Variants in GON4L observed in about 807,000 individuals in gnomAD.
GON4L encodes the protein gon-4 like.
In GON4L, 87 loss-of-function variants were observed where a neutral mutation model predicts 211.8. The ratio of observed to expected loss-of-function variants is 0.41; its 90% CI spans 0.35 to 0.49. The LOEUF is 0.49. Among genes scored for constraint, GON4L ranks in the 20% least tolerant of loss-of-function variants. GON4L has a pLI of 0.15. For synonymous variants in GON4L, 875 were observed against 962.6 expected (o/e 0.91, Z 1.68); for missense variants, 2,155 against 2,659.5 (o/e 0.81, Z 4.17).
chr1:155,779,403 G>A (rs951276989), intron 14 of GON4L, among the ~76,000 whole-genome samples: 6 of 150,730 alleles, frequency 4.0e-5, no homozygotes, highest in South Asian at 2.1e-4. Flanking sequence ...TGCAACCTCC[G>A]CCTCCCAGGT....
chr1:155,847,791 T>C (rs1671390512), intron 2 of GON4L, among the ~76,000 whole-genome samples: 1 of 152,138 alleles, frequency 6.6e-6, no homozygotes, highest in Non-Finnish European at 1.5e-5. Context: ...GGAGAATCCC[T>C]TGAACCCAGG....
intron 2 of GON4L, among the ~76,000 whole-genome samples, chr1:155,848,885 C>T (rs997209936): frequency 6.6e-6 from 1 of 152,198 alleles, no homozygotes; most frequent in Non-Finnish European, 1.5e-5. Context: ...CGGTGGCTCA[C>T]GCCTGTAATC....
At chr1:155,842,400 T>C (rs1162622121) in intron 2 of GON4L, among the ~76,000 whole-genome samples, 2 of 151,584 alleles carry the variant, frequency 1.3e-5, no homozygotes, top group Non-Finnish European at 2.9e-5. Context: ...GGCAGGCACC[T>C]GTAGTCCCAG....
intron 8 of GON4L, 106 bp downstream of exon 8, chr1:155,815,699 C>G (rs1668175701): frequency 1.4e-6 from 1 of 737,418 alleles, no homozygotes; most frequent in Non-Finnish European, 2.5e-6. Context: ...CAGAAATGAG[C>G]TGAAAAAAGA....
rs755007254 is a variant in GON4L, at chr1:155,855,979, CAAAAAAAAAAAAA to C, written c.-27+1155_-27+1167del. Among the ~76,000 whole-genome samples the C allele has an allele frequency of 1.4e-3, 33 of 23,706 alleles. 1 individual carries two copies. Among genetic ancestry groups the C allele is most frequent in the East Asian group, 4.4e-3 (2 of 456 alleles). The allele number at this position is 23,706 out of a possible 152,430, so 15.6% of individuals were successfully genotyped here. On this transcript the variant is annotated intron_variant, in intron 1 of 31. Transcript: ENST00000368331. ...CCTGGGCAACAGAGGGAGACTCTGT[CAAAAAAAAAAAAA>C]AAAAAAAAAAAAAAAGGCATCTTAT...
intron 10 of GON4L, among the ~76,000 whole-genome samples, chr1:155,812,080 G>A (rs1667846706): frequency 1.3e-5 from 2 of 151,954 alleles, no homozygotes; most frequent in South Asian, 4.2e-4. Flanking sequence ...AAGGAATTCG[G>A]CTTTGAAGTA....
rs557569444 is a variant in GON4L, at chr1:155,760,404, C to T, written c.5109+40G>A. 16 of 1,281,420 alleles carry T rather than the reference C, an allele frequency of 1.2e-5. No homozygotes were observed. The Admixed American group carries it at 1.6e-4, about 13-fold the overall frequency. The allele number at this position is 1,281,420 out of a possible 1,614,324, so 79.4% of individuals were successfully genotyped here. A position where few individuals can be genotyped will look rare whatever the true frequency, so the allele number is the denominator to read the frequency against. On this transcript the variant is annotated intron_variant, in intron 24 of 31. Transcript: ENST00000368331. The stretch of plus-strand genomic sequence containing the variant: ...CCATTCAATCCCAGTCTCACTCTGA[C>T]CCAGGAGTCCCAGTGTACTTTTTTT...
At chr1:155,811,597 A>C (rs1451386559) in intron 10 of GON4L, among the ~76,000 whole-genome samples, 1 of 150,116 alleles carries the variant, frequency 6.7e-6, no homozygotes, top group Non-Finnish European at 1.5e-5. Flanking sequence ...CTCTACTAAA[A>C]ATACAAAAAA....
chr1:155,834,073 C>T (rs1002745889), intron 2 of GON4L, among the ~76,000 whole-genome samples: 1 of 152,118 alleles, frequency 6.6e-6, no homozygotes, highest in African/African-American at 2.4e-5. Flanking sequence ...ATCCTCACAC[C>T]TTGGCCTTCC....
rs892180288 is a variant in GON4L at position 155,752,301 on chromosome 1, G to A, written c.6132C>T (p.Thr2044=). 5.7e-6 allele frequency: 9 copies of A among 1,584,058 alleles called. No homozygotes were observed. Among genetic ancestry groups the A allele is most frequent in the South Asian group, 3.3e-5 (3 of 90,318 alleles). ...DASETEKLPG[T]VEPPASFLSP... is the part of the protein sequence containing the mutation. The stretch of plus-strand genomic sequence containing the variant: ...TCAGGAAGGAAGCAGGGGGTTCCAC[G>A]GTACCAGGCAATTTCTCAGTTTCTG... Residue 2044 remains threonine (T), a synonymous_variant, in exon 30 of 32, where the codon ACC becomes ACT. Coordinates refer to ENST00000368331, the MANE Select transcript of GON4L (RefSeq NM_001282860.2).
intron 5 of GON4L, among the ~76,000 whole-genome samples, chr1:155,820,993 G>A (rs1304895105): frequency 2.0e-5 from 3 of 152,098 alleles, no homozygotes; most frequent in Non-Finnish European, 2.9e-5. Flanking sequence ...AAGGCCGGGC[G>A]CGGTGGCTCA....
intron 14 of GON4L, among the ~76,000 whole-genome samples, chr1:155,778,685 G>C (rs1442233044): frequency 6.6e-6 from 1 of 152,178 alleles, no homozygotes; most frequent in East Asian, 1.9e-4. Context: ...TGCATTAGCA[G>C]TTTATCCTGA....
At chr1:155,844,907 G>T (rs1364575016) in intron 2 of GON4L, among the ~76,000 whole-genome samples, 1 of 152,166 alleles carries the variant, frequency 6.6e-6, no homozygotes, top group African/African-American at 2.4e-5. Flanking sequence ...CTTCTAGATT[G>T]CAACAATTTC....
intron 5 of GON4L, among the ~76,000 whole-genome samples, chr1:155,820,899 G>A (rs186667001): frequency 3.3e-5 from 5 of 152,222 alleles, no homozygotes; most frequent in Admixed American, 2.0e-4. Flanking sequence ...TGGGAGGATC[G>A]CTGAGTCCAG....
intron 3 of GON4L, among the ~76,000 whole-genome samples, chr1:155,825,741 A>T (rs895935344): frequency 4.6e-5 from 7 of 151,932 alleles, no homozygotes; most frequent in East Asian, 3.9e-4. Flanking sequence ...TACAAAAAAA[A>T]TTTTTTAATT....
chr1:155,852,465 G>A (rs1671879415), intron 2 of GON4L, among the ~76,000 whole-genome samples: 1 of 152,160 alleles, frequency 6.6e-6, no homozygotes, highest in Non-Finnish European at 1.5e-5. Context: ...TACAATGGCT[G>A]GGTGCAGTGG....
chr1:155,817,048 A>G (rs1668315628), intron 6 of GON4L, among the ~76,000 whole-genome samples: 1 of 152,126 alleles, frequency 6.6e-6, no homozygotes, highest in African/African-American at 2.4e-5. Flanking sequence ...CTAGAGCAGC[A>G]GCACAATCAG....
chr1:155,787,512 C>A (rs1394039599), intron 12 of GON4L, among the ~76,000 whole-genome samples: 1 of 152,188 alleles, frequency 6.6e-6, no homozygotes, highest in Admixed American at 6.5e-5. Context: ...GTGGCTTACG[C>A]CTGTAATTCC....
Position 155,753,241 on chromosome 1 carries a change from A to T in GON4L, c.5805T>A (p.Thr1935=), listed in dbSNP as rs757209386. 6.2e-7 allele frequency: 1 copy of T among 1,603,120 alleles called. No individual in the cohort carries two copies. The highest frequency in any genetic ancestry group is 1.7e-5 in the Admixed American group (1 of 58,486). Reference sequence around the variant, plus strand: ...TCTCTCCCTTTCTGGTGGTCCTGACAGTCCTGCTCTGGGTGGCCTCAGTGC... The same window carrying T: ...TCTCTCCCTTTCTGGTGGTCCTGACTGTCCTGCTCTGGGTGGCCTCAGTGC... ...RESTEATQSR[T]VRTTRKGEMP... The change falls in exon 29 of 32, where the codon ACT becomes ACA. Residue 1935 remains threonine (T), a synonymous_variant. Transcript: ENST00000368331.
Sources: allele counts gnomAD v4.1 joint callset (sites outside exome capture counted in the v4.1 genomes callset), GRCh38; gene constraint gnomAD v4.1.1; transcripts MANE v1.5; gene names NCBI Gene and HGNC (gene_info 2026-07-23, HGNC 2026-07-21).